The following RTN1 variants were observed in gnomAD, a reference collection of about 807,000 sequenced individuals.
RTN1 encodes reticulon 1, also known as reticulon-1.
A neutral mutation model predicts 65.5 loss-of-function variants in RTN1; 25 were observed. The observed-to-expected ratio is 0.38, with a 90% confidence interval of 0.28 to 0.53. The LOEUF is 0.53. RTN1 is among the 20% of genes least tolerant of loss of function. The pLI is 0.79. For missense variants in RTN1, 983 were observed against 1,025.4 expected, an observed-to-expected ratio of 0.96 and a Z score of 0.57; for synonymous variants, 471 against 447.6, an observed-to-expected ratio of 1.05 and a Z score of -0.66.
intron 3 of RTN1, among the ~76,000 whole-genome samples, chr14:59,608,175 C>A (rs2140164906): frequency 6.6e-6 from 1 of 152,244 alleles, no homozygotes; most frequent in South Asian, 2.1e-4. Context: ...TAGCATAAAA[C>A]CCTTACTGAA....
chr14:59,685,964 A>C (rs1883838914), intron 3 of RTN1, among the ~76,000 whole-genome samples: 1 of 152,244 alleles, frequency 6.6e-6, no homozygotes, highest in African/African-American at 2.4e-5. Flanking sequence ...TACTGGCATA[A>C]AAACAGACAG....
intron 1 of RTN1, among the ~76,000 whole-genome samples, chr14:59,753,326 T>C (rs1468639373): frequency 6.6e-6 from 1 of 152,136 alleles, no homozygotes; most frequent in African/African-American, 2.4e-5. Context: ...AAGGACCCCT[T>C]TACCACACTC....
At chr14:59,701,795 T>C (rs1373606540) in intron 3 of RTN1, among the ~76,000 whole-genome samples, 1 of 152,166 alleles carries the variant, frequency 6.6e-6, no homozygotes, top group Non-Finnish European at 1.5e-5. Context: ...AGGTACTGAA[T>C]TGTACACTTT....
intron 1 of RTN1, among the ~76,000 whole-genome samples, chr14:59,841,087 A>G (rs549867269): frequency 6.6e-6 from 1 of 152,354 alleles, no homozygotes; most frequent in East Asian, 1.9e-4. Context: ...TATATACCTC[A>G]TAAGCAGAAG....
chr14:59,743,498 A>C (rs910106142), intron 2 of RTN1, among the ~76,000 whole-genome samples: 1 of 152,184 alleles, frequency 6.6e-6, no homozygotes, highest in Admixed American at 6.5e-5. Flanking sequence ...AAAGAGTTTT[A>C]CTATGCATTG....
At chr14:59,804,327 G>A (rs1177071718) in intron 1 of RTN1, among the ~76,000 whole-genome samples, 1 of 152,054 alleles carries the variant, frequency 6.6e-6, no homozygotes, top group African/African-American at 2.4e-5. Flanking sequence ...ATACCATAGA[G>A]GCCAGTGCCA....
At chr14:59,698,658 A>G (rs887435435) in intron 3 of RTN1, among the ~76,000 whole-genome samples, 1 of 152,182 alleles carries the variant, frequency 6.6e-6, no homozygotes, top group African/African-American at 2.4e-5. Flanking sequence ...GCATTCTGCC[A>G]TGATTGTGAG....
intron 1 of RTN1, among the ~76,000 whole-genome samples, chr14:59,858,882 G>A (rs1305068122): frequency 6.6e-6 from 1 of 152,112 alleles, no homozygotes; most frequent in Non-Finnish European, 1.5e-5. Flanking sequence ...AAATGAAGAA[G>A]ATAATTCAGC....
chr14:59,641,998 C>A (rs1882791401), intron 3 of RTN1, among the ~76,000 whole-genome samples: 1 of 152,154 alleles, frequency 6.6e-6, no homozygotes, highest in Admixed American at 6.5e-5. Flanking sequence ...TTGTTTCAGT[C>A]CAAAGAATTT....
rs907566768 is a variant in RTN1, at chr14:59,790,874, T to C, written c.242-44393A>G. Among the ~76,000 whole-genome samples the C allele has an allele frequency of 3.3e-5, 5 of 152,160 alleles. No individual in the cohort carries two copies. The highest frequency in any genetic ancestry group is 1.2e-4 in the African/African-American group (5 of 41,468). On this transcript the variant is annotated intron_variant, in intron 1 of 8. Coordinates refer to ENST00000267484, the MANE Select transcript of RTN1 (RefSeq NM_021136.3). This position sits in a 1 kb window ranked among gnomAD's most constrained non-coding sequence, Gnocchi z 4.1. ...AAGCCCTTTCTTTTATGTTCACTGA[T>C]TATTTGAAGCCTTTCTTCCAAGTCA...
At chr14:59,795,065 C>T (rs1886415724) in intron 1 of RTN1, among the ~76,000 whole-genome samples, 1 of 152,162 alleles carries the variant, frequency 6.6e-6, no homozygotes, top group African/African-American at 2.4e-5. Context: ...CCCAATTTAG[C>T]AGAATCCCAT....
intron 1 of RTN1, among the ~76,000 whole-genome samples, chr14:59,792,767 A>G (rs551855407): frequency 6.6e-6 from 1 of 152,302 alleles, no homozygotes; most frequent in East Asian, 1.9e-4. Context: ...GTTTCAGAAA[A>G]TACTAGTAGG....
intron 3 of RTN1, among the ~76,000 whole-genome samples, chr14:59,695,511 TG>T (rs1185471765): frequency 6.6e-6 from 1 of 152,138 alleles, no homozygotes; most frequent in Non-Finnish European, 1.5e-5. Context: ...TCCTTTAGCC[TG>T]GGTTCCAAAA....
chr14:59,766,107 G>A lies in RTN1; in HGVS notation c.242-19626C>T, dbSNP rs745492624. 6.6e-6 allele frequency among the ~76,000 whole-genome samples: 1 copy of A among 152,150 alleles called. No individual in the cohort carries two copies. Among genetic ancestry groups the A allele is most frequent in the Non-Finnish European group, 1.5e-5 (1 of 68,020 alleles). On this transcript the variant is annotated intron_variant, in intron 1 of 8. Coordinates refer to ENST00000267484, the MANE Select transcript of RTN1 (RefSeq NM_021136.3). The surrounding 1 kb of genome is among the most constrained non-coding windows in gnomAD (Gnocchi z 4.4). ...TAGTCGGGCTTGGTGGTACACACTT[G>A]TAGTCCCAGCTACTTGGGAGGCTGA...
intron 3 of RTN1, among the ~76,000 whole-genome samples, chr14:59,636,440 C>T (rs577919140): frequency 6.6e-6 from 1 of 152,252 alleles, no homozygotes; most frequent in East Asian, 1.9e-4. Context: ...CCGAGGCCCT[C>T]GCCAGACACT....
At chr14:59,597,821 C>A (rs1342877504) in intron 8 of RTN1, among the ~76,000 whole-genome samples, 3 of 152,048 alleles carry the variant, frequency 2.0e-5, no homozygotes, top group Admixed American at 6.5e-5. Context: ...GTGTTTCAGG[C>A]AGAGGGAGTA....
intron 1 of RTN1, among the ~76,000 whole-genome samples, chr14:59,822,548 C>A (rs558339608): frequency 6.6e-6 from 1 of 152,106 alleles, no homozygotes; most frequent in Non-Finnish European, 1.5e-5. Flanking sequence ...TTTTCTTCTC[C>A]AAGCTTTGGG....
At chr14:59,764,350 C>A (rs974757403) in intron 1 of RTN1, among the ~76,000 whole-genome samples, 1 of 148,846 alleles carries the variant, frequency 6.7e-6, no homozygotes, top group African/African-American at 2.5e-5. Flanking sequence ...GATGGAGTTT[C>A]GCTCTTGTTG....
At chr14:59,718,229 G>T (rs944516737) in intron 3 of RTN1, among the ~76,000 whole-genome samples, 3 of 152,192 alleles carry the variant, frequency 2.0e-5, no homozygotes, top group African/African-American at 7.2e-5. Context: ...AGACGGGGCG[G>T]ACTCAGGAAT....
Sources: allele counts gnomAD v4.1 joint callset (sites outside exome capture counted in the v4.1 genomes callset), GRCh38; gene constraint gnomAD v4.1.1; non-coding constraint Gnocchi (gnomAD v3.1); transcripts MANE v1.5; gene names NCBI Gene and HGNC (gene_info 2026-07-23, HGNC 2026-07-21).